Variants in NFASC observed in about 807,000 individuals in gnomAD.
NFASC encodes the protein neurofascin.
Under a neutral mutation model 147.5 loss-of-function variants are expected in NFASC, and 43 were observed. That is an observed-to-expected ratio of 0.29 (90% CI 0.23 to 0.38). The LOEUF is 0.38. Ranked by LOEUF, NFASC falls within the 10% of genes least tolerant of loss-of-function variation. NFASC has a pLI of 1.00. For synonymous variants in NFASC, 622 were observed against 665.5 expected (o/e 0.93, Z 1.01); for missense variants, 1,320 against 1,689.0 (o/e 0.78, Z 3.83).
chr1:204,936,194 C>CTTTTTTT lies in NFASC; in HGVS notation c.-90-8029_-90-8028insTTTTTTT, dbSNP rs1288327632. On this transcript the variant is annotated intron_variant, in intron 2 of 29. Coordinates refer to ENST00000339876, the MANE Select transcript of NFASC (RefSeq NM_001005388.3). ...GCATTAACAGATTCCCTCTCTCTCT[C>CTTTTTTT]TTTCTTTTTCTTTTTTTTTTTTTTT... Among the ~76,000 whole-genome samples the CTTTTTTT allele has an allele frequency of 2.0e-4, 13 of 63,824 alleles. 1 individual carries two copies. The highest frequency in any genetic ancestry group is 6.5e-4 in the East Asian group (1 of 1,530). 41.9% of individuals were successfully genotyped at this position (63,824 alleles called of 152,430 possible).
chr1:204,980,846 C>A (rs1558351830), intron 20 of NFASC, among the ~76,000 whole-genome samples: 2 of 152,120 alleles, frequency 1.3e-5, no homozygotes, highest in South Asian at 4.1e-4. Flanking sequence ...TTTGTGGGAG[C>A]TGGGGAGAGA....
rs74882986 is a variant in NFASC at position 204,911,212 on chromosome 1, T to C, written c.-199-9420T>C. On this transcript the variant is annotated intron_variant, in intron 1 of 29. Coordinates refer to ENST00000339876, the MANE Select transcript of NFASC (RefSeq NM_001005388.3). ...GATTGACACGATTGTGTAATTTTTC[T>C]TAATTAGCCTGTTAGTATGGTAGAT... is the stretch of plus-strand genomic sequence containing the variant. Among the ~76,000 whole-genome samples the C allele has an allele frequency of 1.3e-3, 195 of 152,374 alleles. 1 individual carries two copies. The highest frequency in any genetic ancestry group is 4.5e-3 in the African/African-American group (187 of 41,592).
chr1:204,958,912 A>G, intron 8 of NFASC, among the ~76,000 whole-genome samples: 1 of 151,972 alleles, frequency 6.6e-6, no homozygotes, highest in East Asian at 1.9e-4. Context: ...AGGGGGTGTG[A>G]CCATTATCGT....
At chr1:204,868,150 C>G (rs190088235) in intron 1 of NFASC, among the ~76,000 whole-genome samples, 1 of 152,246 alleles carries the variant, frequency 6.6e-6, no homozygotes, top group Non-Finnish European at 1.5e-5. Context: ...GCAGTAGTTA[C>G]AGTCAGTGAG....
intron 1 of NFASC, among the ~76,000 whole-genome samples, chr1:204,850,058 C>CA (rs2075541373): frequency 6.6e-6 from 1 of 152,174 alleles, no homozygotes; most frequent in South Asian, 2.1e-4. Flanking sequence ...GAGGGGCACA[C>CA]AGTGAGAAGA....
intron 3 of NFASC, among the ~76,000 whole-genome samples, chr1:204,945,733 G>A (rs965264227): frequency 2.0e-5 from 3 of 152,220 alleles, no homozygotes; most frequent in African/African-American, 7.2e-5. Context: ...GAAAGGACCT[G>A]TTCCCATGGT....
Position 204,950,790 on chromosome 1 carries a change from G to A in NFASC, c.109+216G>A, listed in dbSNP as rs567153207. Among the ~76,000 whole-genome samples, 94 of 152,210 alleles carry A rather than the reference G, an allele frequency of 6.2e-4. 2 individuals are homozygous for A. Among genetic ancestry groups the A allele is most frequent in the South Asian group, 4.4e-3 (21 of 4,814 alleles). ...ACAGAAGGGCACGTGGTAAGAAGAG[G>A]GTCATTGGATCGAAGCTCATGTGCA... On this transcript the variant is annotated intron_variant, in intron 4 of 29. Transcript: ENST00000339876.
chr1:204,979,133 C>G lies in NFASC; in HGVS notation c.1978+64C>G. 10 of 1,372,746 alleles carry G rather than the reference C, an allele frequency of 7.3e-6. No homozygotes were observed. The highest frequency in any genetic ancestry group is 1.0e-5 in the Non-Finnish European group (10 of 994,396). The allele number at this position is 1,372,746 out of a possible 1,614,324, so 85.0% of individuals were successfully genotyped here. A position where few individuals can be genotyped will look rare whatever the true frequency, so the allele number is the denominator to read the frequency against. On this transcript the variant is annotated intron_variant, in intron 18 of 29. Coordinates refer to ENST00000339876, the MANE Select transcript of NFASC (RefSeq NM_001005388.3). The surrounding 1 kb of genome is among the most constrained non-coding windows in gnomAD (Gnocchi z 6.0). The stretch of plus-strand genomic sequence containing the variant: ...GACGGCAACACCCTTAAACCGAAGG[C>G]CTTTCCTGGTTTCCAGCCCCACTTC...
At chr1:204,970,101 A>T (rs576194486) in intron 10 of NFASC, among the ~76,000 whole-genome samples, 13 of 141,060 alleles carry the variant, frequency 9.2e-5, no homozygotes, top group African/African-American at 3.2e-4. Flanking sequence ...AAAAAAAAAG[A>T]ACTACTCTAA....
At chr1:204,894,458 A>G (rs1250861992) in intron 1 of NFASC, among the ~76,000 whole-genome samples, 1 of 152,220 alleles carries the variant, frequency 6.6e-6, no homozygotes, top group Non-Finnish European at 1.5e-5. Flanking sequence ...TTGAGTGCTT[A>G]CTGTGTATCA....
intron 24 of NFASC, among the ~76,000 whole-genome samples, chr1:204,994,501 G>A (rs1181205497): frequency 6.6e-6 from 1 of 152,182 alleles, no homozygotes; most frequent in Non-Finnish European, 1.5e-5. Flanking sequence ...CTGCGAGTCT[G>A]AGGGCCACAT....
At chr1:204,885,182 A>G (rs986883249) in intron 1 of NFASC, among the ~76,000 whole-genome samples, 1 of 152,218 alleles carries the variant, frequency 6.6e-6, no homozygotes, top group Non-Finnish European at 1.5e-5. Context: ...TGAGGAGCCC[A>G]GGGTGGGAAC....
intron 2 of NFASC, among the ~76,000 whole-genome samples, chr1:204,942,001 C>A (rs923132287): frequency 3.3e-5 from 5 of 152,156 alleles, no homozygotes; most frequent in Non-Finnish European, 7.3e-5. Flanking sequence ...TTTAATCATT[C>A]GTTCATTTTT....
chr1:204,938,186 G>A (rs958979845), intron 2 of NFASC, among the ~76,000 whole-genome samples: 2 of 152,204 alleles, frequency 1.3e-5, no homozygotes, highest in Admixed American at 6.5e-5. Context: ...TCAACACCAC[G>A]GGCCCCCAAT....
chr1:204,875,679 C>T (rs1369169376), intron 1 of NFASC, among the ~76,000 whole-genome samples: 7 of 152,160 alleles, frequency 4.6e-5, no homozygotes, highest in Non-Finnish European at 1.0e-4. Context: ...CCCCCCACCA[C>T]GCCCCTCAGG....
At chr1:204,862,192 A>G (rs867910900) in intron 1 of NFASC, among the ~76,000 whole-genome samples, 3 of 152,302 alleles carry the variant, frequency 2.0e-5, no homozygotes, top group Middle Eastern at 6.8e-3. Context: ...TGCATCACCC[A>G]CCATCTTTCC....
Position 204,954,736 on chromosome 1 carries a change from T to C in NFASC, c.413-93T>C, listed in dbSNP as rs2094343748. ...CCTCCTTCTCCAGGTGCCCCTTCTG[T>C]TTCTCCTCCTTGCATGCCTGCCTCT... On this transcript the variant is annotated intron_variant, in intron 6 of 29. Coordinates refer to ENST00000339876, the MANE Select transcript of NFASC (RefSeq NM_001005388.3). The surrounding 1 kb of genome is among the most constrained non-coding windows in gnomAD (Gnocchi z 5.7). The C allele has an allele frequency of 5.5e-6, 8 of 1,452,924 alleles. No individual in the cohort carries two copies. The highest frequency in any genetic ancestry group is 1.2e-5 in the South Asian group (1 of 81,024). 90.0% of individuals were successfully genotyped at this position (1,452,924 alleles called of 1,614,324 possible). A position where few individuals can be genotyped will look rare whatever the true frequency, so the allele number is the denominator to read the frequency against.
chr1:204,884,560 T>C (rs945639168), intron 1 of NFASC, among the ~76,000 whole-genome samples: 4 of 152,108 alleles, frequency 2.6e-5, no homozygotes, highest in Admixed American at 6.5e-5. Flanking sequence ...ACCTCTGCTT[T>C]TGGAGTCCAG....
At chr1:204,978,494 C>T (rs956118923) in intron 17 of NFASC, among the ~76,000 whole-genome samples, 6 of 152,220 alleles carry the variant, frequency 3.9e-5, no homozygotes, top group Non-Finnish European at 8.8e-5. Context: ...CCATGTTCAG[C>T]AGGCCAAGCC....
Sources: gnomAD v4.1 joint callset for allele counts (sites outside exome capture counted in the v4.1 genomes callset) on GRCh38, gnomAD v4.1.1 for gene constraint, Gnocchi (gnomAD v3.1) non-coding constraint, MANE v1.5 for transcripts, NCBI Gene and HGNC (gene_info 2026-07-23, HGNC 2026-07-21) for gene names.